PAX5: variants seen among roughly 807,000 people sequenced by gnomAD.
The protein encoded by PAX5 is paired box protein Pax-5.
Under a neutral mutation model 43.7 loss-of-function variants are expected in PAX5, and 9 were observed. That is an observed-to-expected ratio of 0.21 (90% CI 0.12 to 0.36). The LOEUF is 0.36. Ranked by LOEUF, PAX5 falls within the 10% of genes least tolerant of loss-of-function variation. The pLI is 1.00. For missense variants in PAX5, 383 were observed against 532.7 expected (o/e 0.72, Z 2.77); for synonymous variants, 228 against 214.3 (o/e 1.06, Z -0.56).
intron 6 of PAX5, among the ~76,000 whole-genome samples, chr9:36,924,091 C>T (rs1830397098): frequency 6.6e-6 from 1 of 152,188 alleles, no homozygotes; most frequent in South Asian, 2.1e-4. Context: ...ATATGGCAAA[C>T]TAACTGAGCC....
rs892188271 is a variant in PAX5 at position 36,882,788 on chromosome 9, G to A, written c.911-683C>T. 1.3e-5 allele frequency among the ~76,000 whole-genome samples: 2 copies of A among 152,236 alleles called. No individual in the cohort carries two copies. The highest frequency in any genetic ancestry group is 4.8e-5 in the African/African-American group (2 of 41,460). Reference sequence around the variant, plus strand: ...TGGAGGTTAAGGCCTCAGCCCTCAAGGCGTGCACACTCCCATGGGCGAGTG... The same window carrying A: ...TGGAGGTTAAGGCCTCAGCCCTCAAAGCGTGCACACTCCCATGGGCGAGTG... On this transcript the variant is annotated intron_variant, in intron 7 of 9. Coordinates refer to ENST00000358127, the MANE Select transcript of PAX5 (RefSeq NM_016734.3). The surrounding 1 kb of genome is among the most constrained non-coding windows in gnomAD (Gnocchi z 4.4).
intron 5 of PAX5, among the ~76,000 whole-genome samples, chr9:36,983,249 A>G (rs1039201551): frequency 1.3e-5 from 2 of 152,198 alleles, no homozygotes; most frequent in African/African-American, 4.8e-5. Context: ...TTTTATCAGG[A>G]CATGTTCATA....
intron 5 of PAX5, among the ~76,000 whole-genome samples, chr9:36,974,146 C>T (rs2132239417): frequency 6.6e-6 from 1 of 152,226 alleles, no homozygotes; most frequent in Admixed American, 6.5e-5. Context: ...TGCCACTGCA[C>T]ATTAGCCTGT....
At position 36,840,420 on chromosome 9, in the gene PAX5, G is replaced by A; in HGVS notation, c.*140C>T. On this transcript the variant is annotated 3_prime_UTR_variant, in exon 10 of 10. Transcript: ENST00000358127. ...AAGGGCCCCAGAGTCCCTGGAGGAAGAGAGGAAGAGGGGAGCTTCAGGCAA... is the reference window on the plus strand; with the variant it reads ...AAGGGCCCCAGAGTCCCTGGAGGAAAAGAGGAAGAGGGGAGCTTCAGGCAA... The A allele has an allele frequency of 1.2e-6, 1 of 812,254 alleles. No individual in the cohort carries two copies. 50.3% of individuals were successfully genotyped at this position (812,254 alleles called of 1,614,324 possible).
chr9:36,874,396 C>T (rs1271657429), intron 8 of PAX5, among the ~76,000 whole-genome samples: 1 of 152,200 alleles, frequency 6.6e-6, no homozygotes, highest in Non-Finnish European at 1.5e-5. Flanking sequence ...CAAAAGTTGC[C>T]AAGCTCAGAT....
At chr9:36,971,015 AT>A (rs1439644698) in intron 5 of PAX5, among the ~76,000 whole-genome samples, 27 of 152,302 alleles carry the variant, frequency 1.8e-4, no homozygotes, top group African/African-American at 6.3e-4. Context: ...ATCACTCTGC[AT>A]GTCTGTCTGA....
rs909300118 is a variant in PAX5, at chr9:36,907,063, G to A, written c.910+16292C>T. ...CTCTGTGCTACAGTGAGCGGAAAAG[G>A]GCTCTGCTTGAGGGGCTTGGTACCA... On this transcript the variant is annotated intron_variant, in intron 7 of 9. Coordinates refer to ENST00000358127, the MANE Select transcript of PAX5 (RefSeq NM_016734.3). Among the ~76,000 whole-genome samples the A allele has an allele frequency of 4.6e-5, 7 of 152,208 alleles. No individual in the cohort carries two copies. The South Asian group carries it at 1.5e-3, about 32-fold the overall frequency.
intron 4 of PAX5, among the ~76,000 whole-genome samples, chr9:37,002,995 G>T (rs74917397): frequency 6.6e-6 from 1 of 152,200 alleles, no homozygotes; most frequent in African/African-American, 2.4e-5. Flanking sequence ...GGGAGAAAGG[G>T]AAGGGTGGGC....
intron 1 of PAX5, among the ~76,000 whole-genome samples, chr9:37,026,217 G>T (rs1840344154): frequency 6.6e-6 from 1 of 152,248 alleles, no homozygotes; most frequent in South Asian, 2.1e-4. Flanking sequence ...CCCTCCAACT[G>T]GCCTGGCCCG....
At chr9:36,940,230 G>A (rs1006273506) in intron 6 of PAX5, among the ~76,000 whole-genome samples, 5 of 152,124 alleles carry the variant, frequency 3.3e-5, no homozygotes, top group African/African-American at 1.2e-4. Flanking sequence ...GTAATGGCCC[G>A]ACTGCAGCCC....
At chr9:36,907,667 G>A (rs1005487229) in intron 7 of PAX5, among the ~76,000 whole-genome samples, 1 of 152,058 alleles carries the variant, frequency 6.6e-6, no homozygotes, top group Non-Finnish European at 1.5e-5. Flanking sequence ...CGACAGCTAG[G>A]GTGTCCTTAA....
intron 6 of PAX5, among the ~76,000 whole-genome samples, chr9:36,942,889 G>A (rs536953991): frequency 2.6e-5 from 4 of 152,304 alleles, no homozygotes; most frequent in Admixed American, 1.3e-4. Context: ...CCTGGTGGCC[G>A]GGCAACGGCC....
rs770603381 is a variant in PAX5 at position 37,015,241 on chromosome 9, T to G, written c.213-47A>C. 1 of 1,537,676 alleles carries G rather than the reference T, an allele frequency of 6.5e-7. No homozygotes were observed. The highest frequency in any genetic ancestry group is 9.0e-7 in the Non-Finnish European group (1 of 1,111,826). On this transcript the variant is annotated intron_variant, in intron 2 of 9. Transcript: ENST00000358127. This position sits in a 1 kb window ranked among gnomAD's most constrained non-coding sequence, Gnocchi z 4.4. ...GCTTAGCCATGAGGAACCAGTAAAG[T>G]GGATATTGGCAACAAAATAACGGGC...
At chr9:36,914,855 T>C (rs1041227387) in intron 7 of PAX5, among the ~76,000 whole-genome samples, 3 of 152,272 alleles carry the variant, frequency 2.0e-5, no homozygotes, top group African/African-American at 7.2e-5. Flanking sequence ...CATGCATCTG[T>C]GTGTCTATCC....
chr9:36,842,708 C>A (rs1822173274), intron 9 of PAX5, among the ~76,000 whole-genome samples: 1 of 152,204 alleles, frequency 6.6e-6, no homozygotes, highest in Admixed American at 6.5e-5. Context: ...TCTCTCTAAT[C>A]CCTTCACATC....
At chr9:36,925,667 G>C (rs541340487) in intron 6 of PAX5, among the ~76,000 whole-genome samples, 1 of 152,308 alleles carries the variant, frequency 6.6e-6, no homozygotes, top group Admixed American at 6.5e-5. Flanking sequence ...GTGGATTAGA[G>C]ACCTAAATGT....
intron 7 of PAX5, among the ~76,000 whole-genome samples, chr9:36,919,020 C>T (rs1333528368): frequency 6.6e-6 from 1 of 152,194 alleles, no homozygotes; most frequent in Non-Finnish European, 1.5e-5. Context: ...CAATGCCTGG[C>T]TTCAAAAGCT....
At chr9:36,991,207 T>C (rs982364197) in intron 5 of PAX5, among the ~76,000 whole-genome samples, 2 of 152,174 alleles carry the variant, frequency 1.3e-5, no homozygotes. Context: ...TTTTCCATCT[T>C]CTATTTTATG....
chr9:36,917,205 A>G (rs1563964617), intron 7 of PAX5, among the ~76,000 whole-genome samples: 1 of 152,158 alleles, frequency 6.6e-6, no homozygotes, highest in African/African-American at 2.4e-5. Context: ...GCATGCCCAG[A>G]CTTCCTGCTT....
Sources: allele counts gnomAD v4.1 joint callset (sites outside exome capture counted in the v4.1 genomes callset), GRCh38; gene constraint gnomAD v4.1.1; non-coding constraint Gnocchi (gnomAD v3.1); transcripts MANE v1.5; gene names NCBI Gene and HGNC (gene_info 2026-07-23, HGNC 2026-07-21).